Variants in CUL4A observed in about 807,000 individuals in gnomAD.
CUL4A encodes the protein cullin 4A.
CUL4A carries 16 observed loss-of-function variants against 95.5 expected under a neutral mutation model. The observed-to-expected ratio is 0.17, with a 90% CI of 0.11 to 0.25. The LOEUF (loss-of-function observed/expected upper bound fraction) is 0.25. Among genes scored for constraint, CUL4A ranks in the 10% least tolerant of loss-of-function variants. The pLI, the probability that CUL4A is intolerant of heterozygous loss-of-function variation, is 1.00. For synonymous variants in CUL4A, 380 were observed against 353.1 expected, an observed-to-expected ratio of 1.08 and a Z score of -0.85; for missense variants, 610 against 937.0, an observed-to-expected ratio of 0.65 and a Z score of 4.56.
intron 18 of CUL4A, among the ~76,000 whole-genome samples, chr13:113,256,648 T>G (rs1249110728): frequency 6.6e-6 from 1 of 152,172 alleles, no homozygotes; most frequent in Non-Finnish European, 1.5e-5. Flanking sequence ...ATACAAATTA[T>G]ATAATCTTTC....
intron 6 of CUL4A, among the ~76,000 whole-genome samples, chr13:113,233,605 T>C (rs953741026): frequency 3.3e-5 from 5 of 152,218 alleles, no homozygotes; most frequent in African/African-American, 9.7e-5. Context: ...ATGGAAAATA[T>C]AAACAGAGAC....
intron 2 of CUL4A, among the ~76,000 whole-genome samples, chr13:113,218,326 T>G (rs1479365590): frequency 1.3e-5 from 2 of 152,188 alleles, no homozygotes; most frequent in East Asian, 3.9e-4. Context: ...GAATTACACA[T>G]CTAGCCTGCA....
Sources: gnomAD v4.1 joint callset for allele counts (sites outside exome capture counted in the v4.1 genomes callset) on GRCh38, gnomAD v4.1.1 for gene constraint, MANE v1.5 for transcripts, NCBI Gene and HGNC (gene_info 2026-07-23, HGNC 2026-07-21) for gene names.